The following TTC39C variants were observed in gnomAD, a reference collection of about 807,000 sequenced individuals.
TTC39C encodes the protein tetratricopeptide repeat domain 39C, also known as tetratricopeptide repeat protein 39C.
A neutral mutation model predicts 76.3 loss-of-function variants in TTC39C; 33 were observed. The observed-to-expected ratio is 0.43, with a 90% CI of 0.33 to 0.58. TTC39C has a LOEUF of 0.58. Ranked by LOEUF, TTC39C falls within the 20% of genes least tolerant of loss-of-function variation. The probability of loss-of-function intolerance (pLI) is 0.04; values close to 1 mark genes in which losing one functional copy is unlikely to be tolerated. For synonymous variants in TTC39C, 254 were observed against 260.6 expected, an observed-to-expected ratio of 0.97 and a Z score of 0.24; for missense variants, 595 against 701.4, an observed-to-expected ratio of 0.85 and a Z score of 1.71.
intron 1 of TTC39C, among the ~76,000 whole-genome samples, chr18:23,997,713 A>G (rs949229027): frequency 1.3e-5 from 2 of 151,866 alleles, no homozygotes; most frequent in South Asian, 4.2e-4. Context: ...AAAGAAAGAA[A>G]GAAAGAAAGA....
At chr18:24,065,980 C>G in intron 2 of TTC39C, 32 bp from the exon 3 acceptor site, 1 of 1,505,192 alleles carries the variant, frequency 6.6e-7, no homozygotes, top group Non-Finnish European at 8.9e-7. Context: ...GATACTAATT[C>G]ATTCATTCAT....
chr18:24,101,237 T>C (rs1284622724), intron 6 of TTC39C, among the ~76,000 whole-genome samples: 1 of 150,444 alleles, frequency 6.6e-6, no homozygotes, highest in East Asian at 1.9e-4. Flanking sequence ...ATAAAGCTGG[T>C]AATAAAATCT....
intron 4 of TTC39C, among the ~76,000 whole-genome samples, chr18:24,070,418 C>T (rs186707858): frequency 3.0e-4 from 45 of 152,220 alleles, no homozygotes; most frequent in Middle Eastern, 3.4e-3. Context: ...GCATTTGGAG[C>T]GCACTGCTGA....
At chr18:24,132,395 G>T in intron 13 of TTC39C, 90 bp from the exon 14 acceptor site, 1 of 1,110,728 alleles carries the variant, frequency 9.0e-7, no homozygotes. Context: ...TTTTACTTTG[G>T]GAAATGCAAA....
intron 1 of TTC39C, among the ~76,000 whole-genome samples, chr18:24,045,293 G>A (rs1269256152): frequency 4.4e-5 from 5 of 112,604 alleles, no homozygotes; most frequent in South Asian, 3.1e-4. Flanking sequence ...AGCATGTAGC[G>A]TGTCCAACCC....
intron 1 of TTC39C, among the ~76,000 whole-genome samples, chr18:24,021,959 T>G (rs982797234): frequency 6.6e-6 from 1 of 152,232 alleles, no homozygotes; most frequent in Non-Finnish European, 1.5e-5. Context: ...ACTTCATACC[T>G]TTATTCAAAT....
intron 4 of TTC39C, among the ~76,000 whole-genome samples, chr18:24,076,545 C>A (rs1397154041): frequency 6.6e-6 from 1 of 152,010 alleles, no homozygotes; most frequent in Non-Finnish European, 1.5e-5. Context: ...CCTCTGCCTC[C>A]TCCTGCTTGG....
rs1568451261 is a variant in TTC39C at position 24,134,656 on chromosome 18, T to G, written c.*2082T>G. 6.6e-6 allele frequency: 1 copy of G among 152,202 alleles called. No individual in the cohort carries two copies. Among genetic ancestry groups the G allele is most frequent in the Non-Finnish European group, 1.5e-5 (1 of 68,050 alleles). 9.4% of individuals were successfully genotyped at this position (152,202 alleles called of 1,614,324 possible). A position where few individuals can be genotyped will look rare whatever the true frequency, so the allele number is the denominator to read the frequency against. On this transcript the variant is annotated 3_prime_UTR_variant, in exon 14 of 14. Transcript: ENST00000317571. ...GGCTGTTGCCATTTTTCTCTCTTCT[T>G]AACATGCAGCATAGGTGACAAGCTT...
chr18:24,027,743 T>G (rs759425259), intron 1 of TTC39C, among the ~76,000 whole-genome samples: 10 of 151,964 alleles, frequency 6.6e-5, no homozygotes, highest in Non-Finnish European at 1.5e-4. Context: ...ATTTTTTTAT[T>G]TTTTAGTAGA....
chr18:24,101,497 C>T (rs1418802364), intron 6 of TTC39C, among the ~76,000 whole-genome samples: 2 of 151,406 alleles, frequency 1.3e-5, no homozygotes, highest in African/African-American at 2.4e-5. Context: ...AGGTGGAGGT[C>T]GCAGTGAGTC....
At chr18:24,117,102 G>A (rs74660465) in intron 7 of TTC39C, among the ~76,000 whole-genome samples, 5,375 of 152,102 alleles carry the variant, frequency 0.035, 313 homozygotes, top group African/African-American at 0.12. Context: ...ACAGGCATAG[G>A]ATTAGTCCTT....
rs2083652391 is a variant in TTC39C at position 24,030,409 on chromosome 18, G to A, written c.167+15371G>A. 1.3e-5 allele frequency among the ~76,000 whole-genome samples: 2 copies of A among 152,138 alleles called. 1 individual carries two copies. Among genetic ancestry groups the A allele is most frequent in the South Asian group, 4.1e-4 (2 of 4,822 alleles). On this transcript the variant is annotated intron_variant, in intron 1 of 13. Coordinates refer to ENST00000317571, the MANE Select transcript of TTC39C (RefSeq NM_001135993.2). ...AGATCAGTAACTCTTAATGACTATT[G>A]AGACTTAGCAATAAATGAATATGAA...
chr18:24,021,577 G>A (rs1169284463), intron 1 of TTC39C, among the ~76,000 whole-genome samples: 2 of 103,952 alleles, frequency 1.9e-5, no homozygotes, highest in African/African-American at 3.9e-5. Context: ...ACAGAGTCTT[G>A]CTCCATTGCC....
intron 1 of TTC39C, among the ~76,000 whole-genome samples, chr18:24,046,048 C>T (rs1488489618): frequency 1.4e-5 from 2 of 145,964 alleles, no homozygotes; most frequent in Admixed American, 7.1e-5. Flanking sequence ...ACGCCATTCT[C>T]CTGTCTCAGC....
At chr18:24,012,464 T>C (rs2083400678), upstream of TTC39C, among the ~76,000 whole-genome samples, 1 of 152,094 alleles carries the variant, frequency 6.6e-6, no homozygotes, top group South Asian at 2.1e-4. Context: ...CTGACTTTGC[T>C]CACCCCTCCC....
At chr18:24,027,559 C>CT (rs1205765107) in intron 1 of TTC39C, among the ~76,000 whole-genome samples, 2,102 of 134,422 alleles carry the variant, frequency 0.016, 23 homozygotes, top group South Asian at 0.034. Context: ...TCTGAGGTGA[C>CT]TTTTTTTTTT....
At chr18:24,046,943 TGACTTTTGTTA>T (rs1296545446) in intron 1 of TTC39C, among the ~76,000 whole-genome samples, 1 of 151,856 alleles carries the variant, frequency 6.6e-6, no homozygotes, top group Non-Finnish European at 1.5e-5. Context: ...TTAATTTAAT[TGACTTTTGTTA>T]CTGAAATACT....
intron 6 of TTC39C, chr18:24,113,422 C>T (rs2084842841): frequency 1.7e-6 from 1 of 605,192 alleles, no homozygotes; most frequent in African/African-American, 1.9e-5. Flanking sequence ...GCTTCTCCTC[C>T]AGGACCCTTC....
intron 4 of TTC39C, among the ~76,000 whole-genome samples, chr18:24,069,589 C>A (rs895130051): frequency 2.6e-5 from 4 of 152,036 alleles, no homozygotes; most frequent in Non-Finnish European, 5.9e-5. Context: ...TGATAATAAC[C>A]TTTAAAGTGA....
Sources: gnomAD v4.1 joint callset for allele counts (sites outside exome capture counted in the v4.1 genomes callset) on GRCh38, gnomAD v4.1.1 for gene constraint, MANE v1.5 for transcripts, NCBI Gene and HGNC (gene_info 2026-07-23, HGNC 2026-07-21) for gene names.